ZNRF3: variants seen among roughly 807,000 people sequenced by gnomAD.
ZNRF3 encodes zinc and ring finger 3, also known as E3 ubiquitin-protein ligase ZNRF3.
ZNRF3 carries 23 observed loss-of-function variants against 72.5 expected under a neutral mutation model. That is an observed-to-expected ratio of 0.32 (90% CI 0.23 to 0.45). The LOEUF is 0.45. Among genes scored for constraint, ZNRF3 ranks in the 20% least tolerant of loss-of-function variants. The probability of loss-of-function intolerance (pLI) is 1.00; values close to 1 mark genes in which losing one functional copy is unlikely to be tolerated. For synonymous variants in ZNRF3, 610 were observed against 545.3 expected, an observed-to-expected ratio of 1.12 and a Z score of -1.65; for missense variants, 1,169 against 1,272.1, an observed-to-expected ratio of 0.92 and a Z score of 1.23.
intron 1 of ZNRF3, among the ~76,000 whole-genome samples, chr22:28,894,498 C>T (rs1334276344): frequency 3.3e-5 from 5 of 152,056 alleles, no homozygotes; most frequent in Admixed American, 2.0e-4. Context: ...AGGAACACGG[C>T]GTCTGTCCAG....
intron 2 of ZNRF3, among the ~76,000 whole-genome samples, chr22:29,002,726 C>G (rs893014142): frequency 6.6e-6 from 1 of 152,180 alleles, no homozygotes; most frequent in African/African-American, 2.4e-5. Flanking sequence ...CTAAGAACAG[C>G]AGCAACAGGC....
At chr22:28,921,901 A>T (rs1450330577) in intron 1 of ZNRF3, among the ~76,000 whole-genome samples, 1 of 152,196 alleles carries the variant, frequency 6.6e-6, no homozygotes, top group Non-Finnish European at 1.5e-5. Context: ...CTACGTTAGG[A>T]TTAATATATA....
chr22:28,963,626 T>A (rs923022243), intron 1 of ZNRF3, among the ~76,000 whole-genome samples: 5 of 151,784 alleles, frequency 3.3e-5, no homozygotes, highest in Admixed American at 6.6e-5. Context: ...CTCTTGGGGG[T>A]TTTGGGAGGA....
intron 2 of ZNRF3, chr22:29,031,451 G>A (rs1466389980): frequency 2.6e-5 from 8 of 312,660 alleles, no homozygotes; most frequent in Non-Finnish European, 3.7e-5. Context: ...AGTTTCTGTC[G>A]GAAAACAGGG....
At chr22:28,916,730 C>A (rs1261713303) in intron 1 of ZNRF3, among the ~76,000 whole-genome samples, 2 of 152,320 alleles carry the variant, frequency 1.3e-5, no homozygotes, top group African/African-American at 4.8e-5. Context: ...ATTCTGGCCG[C>A]TGTCCCTTTT....
At chr22:29,014,416 T>C (rs2036398371) in intron 2 of ZNRF3, among the ~76,000 whole-genome samples, 1 of 152,174 alleles carries the variant, frequency 6.6e-6, no homozygotes, top group African/African-American at 2.4e-5. Context: ...ATGTGATTCC[T>C]GATGTAGGTG....
intron 1 of ZNRF3, among the ~76,000 whole-genome samples, chr22:28,920,827 C>T (rs1340626977): frequency 6.6e-6 from 1 of 152,156 alleles, no homozygotes; most frequent in Non-Finnish European, 1.5e-5. Flanking sequence ...TTTGGTCTTT[C>T]CCCAGCCTAG....
chr22:29,021,377 T>C (rs1388991155), intron 2 of ZNRF3, among the ~76,000 whole-genome samples: 4 of 152,220 alleles, frequency 2.6e-5, no homozygotes, highest in Non-Finnish European at 5.9e-5. Context: ...TAAAATTAAA[T>C]GCATTCACAT....
At chr22:28,945,116 A>G (rs2035028191) in intron 1 of ZNRF3, among the ~76,000 whole-genome samples, 1 of 151,532 alleles carries the variant, frequency 6.6e-6, no homozygotes, top group Non-Finnish European at 1.5e-5. Flanking sequence ...TCAAGAGCTC[A>G]AGACCAGCTA....
intron 1 of ZNRF3, among the ~76,000 whole-genome samples, chr22:28,933,752 A>ACTCTCT (rs372627987): frequency 5.6e-4 from 23 of 40,858 alleles, no homozygotes; most frequent in South Asian, 5.5e-3. Flanking sequence ...ACACACACTC[A>ACTCTCT]CTCTCTCTCT....
chr22:28,938,604 C>T (rs1218786526), intron 1 of ZNRF3, among the ~76,000 whole-genome samples: 1 of 152,132 alleles, frequency 6.6e-6, no homozygotes, highest in Non-Finnish European at 1.5e-5. Flanking sequence ...AGCAGGCTGT[C>T]TCTGGTACTT....
intron 1 of ZNRF3, among the ~76,000 whole-genome samples, chr22:28,896,544 G>A (rs545450600): frequency 1.5e-4 from 23 of 152,372 alleles, no homozygotes; most frequent in Non-Finnish European, 2.9e-4. Context: ...GATTACAGGC[G>A]TGAGCCACTG....
At chr22:28,913,389 A>AGG (rs1265928632) in intron 1 of ZNRF3, among the ~76,000 whole-genome samples, 1 of 152,214 alleles carries the variant, frequency 6.6e-6, no homozygotes, top group African/African-American at 2.4e-5. Context: ...TTTTTCTCAA[A>AGG]GGACTCAAGG....
chr22:29,011,058 C>A (rs2036339039), intron 2 of ZNRF3, among the ~76,000 whole-genome samples: 1 of 152,186 alleles, frequency 6.6e-6, no homozygotes, highest in Non-Finnish European at 1.5e-5. Context: ...TTTGTGCTTG[C>A]TCTTTAATTC....
chr22:28,906,275 T>C (rs941526996), intron 1 of ZNRF3, among the ~76,000 whole-genome samples: 1 of 152,218 alleles, frequency 6.6e-6, no homozygotes, highest in African/African-American at 2.4e-5. Flanking sequence ...TGCAGTGAGC[T>C]GAGATGGCAC....
intron 2 of ZNRF3, among the ~76,000 whole-genome samples, chr22:29,002,043 G>A (rs2123843338): frequency 6.6e-6 from 1 of 152,280 alleles, no homozygotes; most frequent in East Asian, 1.9e-4. Context: ...ATCCTGACCT[G>A]CCTTAAAGCA....
intron 2 of ZNRF3, among the ~76,000 whole-genome samples, chr22:29,009,930 A>T (rs2036320535): frequency 7.5e-6 from 1 of 133,694 alleles, no homozygotes. Context: ...TTTTTGAGAC[A>T]GTGTCTCGCT....
At chr22:28,921,174 C>G (rs1474880503) in intron 1 of ZNRF3, among the ~76,000 whole-genome samples, 1 of 152,194 alleles carries the variant, frequency 6.6e-6, no homozygotes, top group Non-Finnish European at 1.5e-5. Flanking sequence ...TGGTTCCCTC[C>G]GGTTCATTGA....
chr22:29,034,544 T>C (rs568440923), intron 2 of ZNRF3, among the ~76,000 whole-genome samples: 39 of 152,322 alleles, frequency 2.6e-4, no homozygotes, highest in African/African-American at 9.4e-4. Context: ...CAAAAAAGTT[T>C]GGGATGCTGG....
Sources: allele counts gnomAD v4.1 joint callset (sites outside exome capture counted in the v4.1 genomes callset), GRCh38; gene constraint gnomAD v4.1.1; transcripts MANE v1.5; gene names NCBI Gene and HGNC (gene_info 2026-07-23, HGNC 2026-07-21).